STXBP4: variants seen among roughly 807,000 people sequenced by gnomAD.
The protein encoded by STXBP4 is syntaxin-binding protein 4.
In STXBP4, 55 loss-of-function variants were observed where a neutral mutation model predicts 76.1. The ratio of observed to expected loss-of-function variants is 0.72; its 90% CI spans 0.58 to 0.91. The LOEUF is 0.91. STXBP4 is among the 40% of genes least tolerant of loss of function. STXBP4 has a pLI of 0.00. For synonymous variants in STXBP4, 201 were observed against 220.2 expected (o/e 0.91, Z 0.77); for missense variants, 618 against 636.9 (o/e 0.97, Z 0.32).
Position 55,168,409 on chromosome 17 carries a change from A to G in STXBP4, c.*8498A>G, listed in dbSNP as rs575498523. The G allele has an allele frequency of 2.6e-5, 4 of 152,316 alleles. 1 individual carries two copies. The East Asian group carries it at 7.7e-4, about 29-fold the overall frequency. 9.4% of individuals were successfully genotyped at this position (152,316 alleles called of 1,614,324 possible). On this transcript the variant is annotated 3_prime_UTR_variant, in exon 18 of 18. Coordinates refer to ENST00000376352, the MANE Select transcript of STXBP4 (RefSeq NM_178509.6). ...CTATGAAGTTACCTTAGTTTTTCCA[A>G]TTAAGACTGTTCATTGATTGTATTT...
chr17:55,113,012 C>G (rs1453275934), intron 16 of STXBP4, among the ~76,000 whole-genome samples: 1 of 152,150 alleles, frequency 6.6e-6, no homozygotes, highest in Non-Finnish European at 1.5e-5. Context: ...GGCACAAATA[C>G]AATTTACTCG....
At chr17:55,146,240 C>G (rs1314134698) in intron 17 of STXBP4, among the ~76,000 whole-genome samples, 1 of 152,174 alleles carries the variant, frequency 6.6e-6, no homozygotes, top group African/African-American at 2.4e-5. Flanking sequence ...CTTATATTAA[C>G]TCTATATCTG....
At chr17:55,041,732 A>T (rs1598254693) in intron 10 of STXBP4, among the ~76,000 whole-genome samples, 1 of 152,082 alleles carries the variant, frequency 6.6e-6, no homozygotes. Context: ...ATCACAAGTT[A>T]TTATACTTTT....
rs76702026 is a variant in STXBP4, at chr17:55,024,621, A to G, written c.667-6547A>G. ...CTAAGACTTTGGGGTTAGAGAAACA[A>G]TGGTGTAACTAGACCATCCTGACCA... On this transcript the variant is annotated intron_variant, in intron 8 of 17. Coordinates refer to ENST00000376352, the MANE Select transcript of STXBP4 (RefSeq NM_178509.6). Among the ~76,000 whole-genome samples, 762 of 152,336 alleles carry G rather than the reference A, an allele frequency of 5.0e-3. 10 individuals are homozygous for G. The highest frequency in any genetic ancestry group is 7.7e-3 in the Non-Finnish European group (522 of 68,026).
rs374843138 is a variant in STXBP4, at chr17:55,159,804, A to T, written c.1555A>T (p.Thr519Ser). 2.5e-6 allele frequency: 4 copies of T among 1,607,388 alleles called. No individual in the cohort carries two copies. In the African/African-American group the frequency reaches 5.4e-5, roughly 22 times the overall value. ...ATTCTTGTTCTTCTCAAGTCATGTAACACAGACTACATCCTGGATCCATCC... is the reference window on the plus strand; with the variant it reads ...ATTCTTGTTCTTCTCAAGTCATGTATCACAGACTACATCCTGGATCCATCC... ...DGIKYFINHV[T>S]QTTSWIHPVM... The change falls in exon 18 of 18, where the codon ACA (threonine) becomes TCA (serine). Residue 519 changes from threonine to serine, a missense_variant. Physicochemically the swap from Thr to Ser is moderately conservative, Grantham distance 58 (BLOSUM62 1). Transcript: ENST00000376352.
chr17:55,002,771 A>G (rs1309538334), intron 7 of STXBP4, among the ~76,000 whole-genome samples: 1 of 152,224 alleles, frequency 6.6e-6, no homozygotes. Context: ...TTAGCTCTGT[A>G]ACCTTGAAAT....
intron 10 of STXBP4, among the ~76,000 whole-genome samples, chr17:55,039,457 A>G (rs2078659342): frequency 6.6e-6 from 1 of 152,166 alleles, no homozygotes; most frequent in African/African-American, 2.4e-5. Flanking sequence ...GGAGCCATTA[A>G]GGAAAACAGT....
downstream of STXBP4, among the ~76,000 whole-genome samples, chr17:55,176,034 A>C (rs1157957291): frequency 3.3e-5 from 5 of 152,220 alleles, no homozygotes; most frequent in Non-Finnish European, 4.4e-5. Flanking sequence ...ACGCATGTGC[A>C]AGAGGAGGTC....
chr17:55,060,018 G>A (rs1381864717), intron 12 of STXBP4, among the ~76,000 whole-genome samples: 2 of 152,002 alleles, frequency 1.3e-5, no homozygotes, highest in Non-Finnish European at 2.9e-5. Flanking sequence ...TGGATTCAGA[G>A]TAGTACTTAG....
intron 8 of STXBP4, among the ~76,000 whole-genome samples, chr17:55,019,054 A>G (rs914005433): frequency 6.6e-6 from 1 of 152,160 alleles, no homozygotes; most frequent in African/African-American, 2.4e-5. Flanking sequence ...TGGATTAGTT[A>G]ATTGTTTTCT....
the STXBP4 span, among the ~76,000 whole-genome samples, chr17:55,211,377 T>G: frequency 6.6e-6 from 1 of 152,158 alleles, no homozygotes; most frequent in African/African-American, 2.4e-5. Context: ...GGAGCTAGGA[T>G]TACAGCTTAA....
At position 55,170,984 on chromosome 17, in the gene STXBP4, A is replaced by C. The variant is rs533308664; in HGVS notation, c.*11073A>C. ...TATGGATGTCAACTTATCTCAGAGC[A>C]GTATCATTGGTTGAGCAGTCCTGCA... is the stretch of plus-strand genomic sequence containing the variant. On this transcript the variant is annotated 3_prime_UTR_variant, in exon 18 of 18. Transcript: ENST00000376352. 2.0e-5 allele frequency: 3 copies of C among 152,326 alleles called. No homozygotes were observed. Among genetic ancestry groups the C allele is most frequent in the African/African-American group, 7.2e-5 (3 of 41,562 alleles). 9.4% of individuals were successfully genotyped at this position (152,326 alleles called of 1,614,324 possible). A position where few individuals can be genotyped will look rare whatever the true frequency, so the allele number is the denominator to read the frequency against.
At chr17:55,098,466 A>G (rs1327373649) in intron 16 of STXBP4, among the ~76,000 whole-genome samples, 1 of 152,150 alleles carries the variant, frequency 6.6e-6, no homozygotes, top group Admixed American at 6.5e-5. Context: ...ATGAGGTCTA[A>G]ATACCCAGTA....
chr17:55,158,505 C>T (rs557212812), intron 17 of STXBP4, among the ~76,000 whole-genome samples: 5 of 152,086 alleles, frequency 3.3e-5, no homozygotes, highest in Non-Finnish European at 7.4e-5. Flanking sequence ...TGTCCTAATT[C>T]GTGCACTCCA....
the STXBP4 span, among the ~76,000 whole-genome samples, chr17:55,192,345 TA>T: frequency 6.6e-6 from 1 of 152,262 alleles, no homozygotes; most frequent in South Asian, 2.1e-4. Flanking sequence ...CAATCCACTG[TA>T]AAATGTATGG....
At chr17:55,178,874 T>A in the STXBP4 span, among the ~76,000 whole-genome samples, 1 of 152,220 alleles carries the variant, frequency 6.6e-6, no homozygotes, top group Non-Finnish European at 1.5e-5. Context: ...TAACCCATAC[T>A]GGGGAGGAAA....
At chr17:55,029,376 A>G (rs989433986) in intron 8 of STXBP4, among the ~76,000 whole-genome samples, 1 of 151,998 alleles carries the variant, frequency 6.6e-6, no homozygotes, top group African/African-American at 2.4e-5. Context: ...CCTGCTGAGG[A>G]ATAATTTATA....
chr17:55,197,699 C>T, the STXBP4 span, among the ~76,000 whole-genome samples: 2 of 151,246 alleles, frequency 1.3e-5, no homozygotes, highest in East Asian at 3.9e-4. Context: ...GCCGAGATTG[C>T]ACCACTGCAC....
chr17:55,147,229 G>T (rs1210781443), intron 17 of STXBP4, among the ~76,000 whole-genome samples: 1 of 152,174 alleles, frequency 6.6e-6, no homozygotes, highest in African/African-American at 2.4e-5. Flanking sequence ...CATGGACCAG[G>T]GGGTAGGGGG....
Sources: gnomAD v4.1 joint callset for allele counts (sites outside exome capture counted in the v4.1 genomes callset) on GRCh38, gnomAD v4.1.1 for gene constraint, MANE v1.5 for transcripts, NCBI Gene and HGNC (gene_info 2026-07-23, HGNC 2026-07-21) for gene names.